MAMLD1: variants seen among roughly 807,000 people sequenced by gnomAD.
MAMLD1 encodes the protein mastermind-like domain-containing protein 1.
MAMLD1 carries 14 observed loss-of-function variants against 45.0 expected under a neutral mutation model. The observed-to-expected ratio is 0.31, with a 90% CI of 0.21 to 0.49. The LOEUF is 0.49. Among genes scored for constraint, MAMLD1 ranks in the 20% least tolerant of loss-of-function variants. MAMLD1 has a pLI of 0.99. For synonymous variants in MAMLD1, 254 were observed against 247.8 expected (o/e 1.02, Z -0.24); for missense variants, 543 against 603.6 (o/e 0.90, Z 1.05).
At chrX:150,454,987 A>G (rs1319548863) in intron 2 of MAMLD1, among the ~76,000 whole-genome samples, 1 of 110,790 alleles carries the variant, frequency 9.0e-6, no homozygotes, top group Admixed American at 9.5e-5. Context: ...CCACCCTACC[A>G]CTTCTCTCTC....
intron 1 of MAMLD1, among the ~76,000 whole-genome samples, chrX:150,389,367 T>C (rs1456376779): frequency 1.8e-5 from 2 of 112,108 alleles, no homozygotes; most frequent in African/African-American, 6.5e-5. Context: ...CATTTTTAAA[T>C]TTTCTTGGAG....
At chrX:150,435,120 A>T (rs902069729) in intron 1 of MAMLD1, among the ~76,000 whole-genome samples, 1 of 111,831 alleles carries the variant, frequency 8.9e-6, no homozygotes, top group African/African-American at 3.3e-5. Context: ...TATTTAGGAT[A>T]GTTAGGTCTT....
At chrX:150,489,411 T>C (rs2037102208) in intron 5 of MAMLD1, among the ~76,000 whole-genome samples, 1 of 109,842 alleles carries the variant, frequency 9.1e-6, no homozygotes, top group Non-Finnish European at 1.9e-5. Flanking sequence ...CTTCTTCTTA[T>C]AAGGGCACTA....
intron 1 of MAMLD1, among the ~76,000 whole-genome samples, chrX:150,367,087 T>C (rs2031523184): frequency 9.7e-6 from 1 of 103,096 alleles, no homozygotes; most frequent in Admixed American, 1.0e-4. Flanking sequence ...GGGAAGAGTT[T>C]GGCGTTGGAA....
At chrX:150,372,010 G>C (rs1004919315) in intron 1 of MAMLD1, among the ~76,000 whole-genome samples, 1 of 112,154 alleles carries the variant, frequency 8.9e-6, no homozygotes, top group Non-Finnish European at 1.9e-5. Context: ...CTAGTTCTCA[G>C]TCAAGTGTAG....
chrX:150,512,598 G>A lies in MAMLD1; in HGVS notation c.*639G>A, dbSNP rs2037933826. 6.1e-6 allele frequency: 7 copies of A among 1,151,959 alleles called. No homozygotes were observed. The highest frequency in any genetic ancestry group is 6.9e-6 in the Non-Finnish European group (6 of 870,216). 94.9% of individuals were successfully genotyped at this position (1,151,959 alleles called of 1,213,427 possible). A position where few individuals can be genotyped will look rare whatever the true frequency, so the allele number is the denominator to read the frequency against. The stretch of plus-strand genomic sequence containing the variant: ...CAAGTGCCCCTGGCCAACAACCCCA[G>A]CTTCAGCCTGCTGGGCAGCCAGAGC... On this transcript the variant is annotated 3_prime_UTR_variant, in exon 8 of 8. Coordinates refer to ENST00000370401, the MANE Select transcript of MAMLD1 (RefSeq NM_005491.5).
rs1432402093 is a variant in MAMLD1 at position 150,420,258 on chromosome X, C to T, written c.-63-25196C>T. On this transcript the variant is annotated intron_variant, in intron 1 of 7. Transcript: ENST00000370401. ...GCTCCTGAGGCTTCTGCATTCTTCA[C>T]GTAGTTCTCGAGCCTTGGTTTTCAG... 4.7e-5 allele frequency among the ~76,000 whole-genome samples: 3 copies of T among 64,282 alleles called. No homozygotes were observed. The East Asian group carries it at 1.5e-3, about 31-fold the overall frequency. 55.8% of individuals were successfully genotyped at this position (64,282 alleles called of 115,157 possible).
intron 1 of MAMLD1, among the ~76,000 whole-genome samples, chrX:150,395,621 G>T (rs1012231479): frequency 2.1e-4 from 23 of 111,008 alleles, no homozygotes; most frequent in African/African-American, 6.6e-4. Flanking sequence ...ATAGATACAG[G>T]TTTGTTTTGA....
At position 150,419,406 on chromosome X, in the gene MAMLD1, T is replaced by A. The variant is rs1454094645; in HGVS notation, c.-63-26048T>A. Reference sequence around the variant, plus strand: ...ACTCTTTATCCAATTTGCCAGTCTGTGTCTTTTTATTGGAGCATTTAGTCC... The same window carrying A: ...ACTCTTTATCCAATTTGCCAGTCTGAGTCTTTTTATTGGAGCATTTAGTCC... On this transcript the variant is annotated intron_variant, in intron 1 of 7. Transcript: ENST00000370401. 9.2e-5 allele frequency among the ~76,000 whole-genome samples: 10 copies of A among 109,062 alleles called. No individual in the cohort carries two copies. The East Asian group carries it at 2.9e-3, about 32-fold the overall frequency. 94.7% of individuals were successfully genotyped at this position (109,062 alleles called of 115,157 possible).
chrX:150,398,168 G>A (rs1356847154), intron 1 of MAMLD1, among the ~76,000 whole-genome samples: 2 of 106,145 alleles, frequency 1.9e-5, no homozygotes, highest in Non-Finnish European at 3.9e-5. Flanking sequence ...AATATCCATC[G>A]CATTTTGTGA....
intron 2 of MAMLD1, among the ~76,000 whole-genome samples, chrX:150,447,814 A>T (rs1451811062): frequency 9.0e-6 from 1 of 111,359 alleles, no homozygotes; most frequent in Non-Finnish European, 1.9e-5. Flanking sequence ...ACACCCAGGG[A>T]TGACACCCTG....
chrX:150,378,776 G>A (rs1419195423), intron 1 of MAMLD1, among the ~76,000 whole-genome samples: 1 of 111,073 alleles, frequency 9.0e-6, no homozygotes, highest in Non-Finnish European at 1.9e-5. Flanking sequence ...ATTGCCTGAG[G>A]TTTGTCCCGT....
At chrX:150,375,999 A>G (rs2032299307) in intron 1 of MAMLD1, among the ~76,000 whole-genome samples, 1 of 111,479 alleles carries the variant, frequency 9.0e-6, no homozygotes, top group Non-Finnish European at 1.9e-5. Context: ...AAGAATACCC[A>G]CCTGAGGGCC....
chrX:150,391,892 G>A (rs2033194762), intron 1 of MAMLD1, among the ~76,000 whole-genome samples: 1 of 111,966 alleles, frequency 8.9e-6, no homozygotes. Context: ...TGGACATATT[G>A]TTCATTTTCT....
intron 1 of MAMLD1, among the ~76,000 whole-genome samples, chrX:150,436,531 A>G (rs925529427): frequency 1.8e-5 from 2 of 111,866 alleles, no homozygotes; most frequent in Non-Finnish European, 3.8e-5. Flanking sequence ...ATTCAGTTGT[A>G]TCCTGAAATT....
chrX:150,462,027 G>C (rs2036056294), intron 2 of MAMLD1, among the ~76,000 whole-genome samples: 1 of 112,136 alleles, frequency 8.9e-6, no homozygotes, highest in Admixed American at 9.4e-5. Flanking sequence ...ACAGCTGGAG[G>C]ACTGAAAGTG....
intron 3 of MAMLD1, among the ~76,000 whole-genome samples, chrX:150,469,289 C>T (rs998414175): frequency 1.8e-5 from 2 of 112,368 alleles, no homozygotes; most frequent in African/African-American, 3.2e-5. Flanking sequence ...TTCTAGTTTT[C>T]TCTCCAATGC....
intron 1 of MAMLD1, among the ~76,000 whole-genome samples, chrX:150,397,384 T>C (rs2033460185): frequency 8.9e-6 from 1 of 112,333 alleles, no homozygotes; most frequent in African/African-American, 3.2e-5. Context: ...TTCATTCATG[T>C]CTACTTTTGC....
chrX:150,389,121 A>C (rs1238853751), intron 1 of MAMLD1, among the ~76,000 whole-genome samples: 1 of 110,552 alleles, frequency 9.0e-6, no homozygotes, highest in Non-Finnish European at 1.9e-5. Flanking sequence ...ATCTCGGCTC[A>C]CTGCAACCTC....
Sources: gnomAD v4.1 joint callset for allele counts (sites outside exome capture counted in the v4.1 genomes callset) on GRCh38, gnomAD v4.1.1 for gene constraint, MANE v1.5 for transcripts, NCBI Gene and HGNC (gene_info 2026-07-23, HGNC 2026-07-21) for gene names.